Variants in CHRM3 observed in about 807,000 individuals in gnomAD.
CHRM3 encodes the protein cholinergic receptor muscarinic 3.
Under a neutral mutation model 41.8 loss-of-function variants are expected in CHRM3, and 11 were observed. That is an observed-to-expected ratio of 0.26 (90% CI 0.17 to 0.44). The LOEUF (loss-of-function observed/expected upper bound fraction) is 0.44, where lower values mean the gene tolerates loss of function less well. Ranked by LOEUF, CHRM3 falls within the 20% of genes least tolerant of loss-of-function variation. CHRM3 has a pLI of 1.00. For synonymous variants in CHRM3, 297 were observed against 301.4 expected (o/e 0.99, Z 0.15); for missense variants, 571 against 745.4 (o/e 0.77, Z 2.72).
intron 5 of CHRM3, among the ~76,000 whole-genome samples, chr1:239,755,527 T>G (rs567975141): frequency 6.6e-6 from 1 of 152,342 alleles, no homozygotes; most frequent in South Asian, 2.1e-4. Flanking sequence ...CAGCCAGAGA[T>G]TTATTTAGTT....
chr1:239,541,608 C>A (rs1324925189), intron 2 of CHRM3, among the ~76,000 whole-genome samples: 1 of 152,036 alleles, frequency 6.6e-6, no homozygotes, highest in Non-Finnish European at 1.5e-5. Context: ...ACCTCCCAGG[C>A]TCAGGTGATC....
At chr1:239,740,417 C>G (rs1270289270) in intron 5 of CHRM3, among the ~76,000 whole-genome samples, 2 of 150,738 alleles carry the variant, frequency 1.3e-5, no homozygotes, top group African/African-American at 4.9e-5. Context: ...CTAGCTTGCT[C>G]TGAGGTACCA....
At chr1:239,849,111 G>A (rs924039388) in intron 6 of CHRM3, among the ~76,000 whole-genome samples, 1 of 152,178 alleles carries the variant, frequency 6.6e-6, no homozygotes, top group African/African-American at 2.4e-5. Flanking sequence ...ATAAAAAAGT[G>A]ATGATGGATA....
chr1:239,743,421 G>T (rs1665032525), intron 5 of CHRM3, among the ~76,000 whole-genome samples: 2 of 152,146 alleles, frequency 1.3e-5, no homozygotes, highest in African/African-American at 4.8e-5. Context: ...GATACAGGTG[G>T]CTCAGTGTTA....
chr1:239,526,493 T>C (rs1427162432), intron 2 of CHRM3, among the ~76,000 whole-genome samples: 2 of 152,168 alleles, frequency 1.3e-5, no homozygotes, highest in Admixed American at 1.3e-4. Flanking sequence ...TGAATACCAA[T>C]GCTGGCCTGG....
intron 1 of CHRM3, among the ~76,000 whole-genome samples, chr1:239,456,322 C>G (rs1480391981): frequency 2.6e-5 from 4 of 152,106 alleles, no homozygotes; most frequent in African/African-American, 9.7e-5. Context: ...TGCAGGTAAA[C>G]CGTTTTTTAT....
intron 3 of CHRM3, among the ~76,000 whole-genome samples, chr1:239,627,923 G>A (rs1669193326): frequency 1.3e-5 from 2 of 148,572 alleles, no homozygotes; most frequent in South Asian, 4.3e-4. Context: ...ATTCTCTCTG[G>A]CTGCCCTTAA....
chr1:239,400,564 A>G (rs1659882071), intron 1 of CHRM3, among the ~76,000 whole-genome samples: 1 of 152,072 alleles, frequency 6.6e-6, no homozygotes, highest in South Asian at 2.1e-4. Context: ...GTGTGTTCTT[A>G]TGGTGGTTTC....
chr1:239,398,305 G>C (rs1037463546), intron 1 of CHRM3, among the ~76,000 whole-genome samples: 6 of 152,054 alleles, frequency 3.9e-5, no homozygotes, highest in African/African-American at 1.4e-4. Context: ...GCATGATCTT[G>C]GCCCACTGCA....
At chr1:239,680,579 G>A (rs959368604) in intron 5 of CHRM3, among the ~76,000 whole-genome samples, 3 of 152,034 alleles carry the variant, frequency 2.0e-5, no homozygotes, top group Non-Finnish European at 4.4e-5. Flanking sequence ...GTGACACTAC[G>A]ATAAGATTAA....
intron 5 of CHRM3, among the ~76,000 whole-genome samples, chr1:239,709,440 A>G (rs2148196753): frequency 6.6e-6 from 1 of 152,236 alleles, no homozygotes; most frequent in African/African-American, 2.4e-5. Flanking sequence ...TAAAGCAGCC[A>G]ATGTTACCTT....
intron 3 of CHRM3, among the ~76,000 whole-genome samples, chr1:239,575,809 C>T (rs535376588): frequency 7.5e-4 from 113 of 151,430 alleles, no homozygotes; most frequent in African/African-American, 2.5e-3. Flanking sequence ...AAAAAAAACA[C>T]GTAAAACAAA....
chr1:239,446,247 C>A (rs936675060), intron 1 of CHRM3, among the ~76,000 whole-genome samples: 21 of 152,280 alleles, frequency 1.4e-4, no homozygotes, highest in African/African-American at 5.1e-4. Flanking sequence ...TGTGCACTTT[C>A]TAAACCTTCA....
At chr1:239,720,845 T>A (rs1662897919) in intron 5 of CHRM3, among the ~76,000 whole-genome samples, 3 of 151,908 alleles carry the variant, frequency 2.0e-5, no homozygotes, top group Non-Finnish European at 4.4e-5. Context: ...GATAGCCCCT[T>A]ATCTTTATTT....
rs1572694378 is a variant in CHRM3 at position 239,553,995 on chromosome 1, C to T, written c.-313+8246C>T. Among the ~76,000 whole-genome samples, 3 of 152,126 alleles carry T rather than the reference C, an allele frequency of 2.0e-5. No homozygotes were observed. In the East Asian group the frequency reaches 5.8e-4, roughly 30 times the overall value. On this transcript the variant is annotated intron_variant, in intron 3 of 6. Coordinates refer to ENST00000676153, the MANE Select transcript of CHRM3 (RefSeq NM_001375978.1). ...CCTCAGCCTTTCAGGTTTAAGTGAA[C>T]TCTCGTTCCTCAGCCCCTTAAAGAG...
intron 1 of CHRM3, among the ~76,000 whole-genome samples, chr1:239,467,596 G>A (rs1665824191): frequency 1.3e-5 from 2 of 152,138 alleles, no homozygotes; most frequent in South Asian, 2.1e-4. Flanking sequence ...CACCGTGCCC[G>A]GCCGCCTCGA....
At chr1:239,460,317 C>T (rs1665261826) in intron 1 of CHRM3, among the ~76,000 whole-genome samples, 1 of 151,846 alleles carries the variant, frequency 6.6e-6, no homozygotes, top group Non-Finnish European at 1.5e-5. Context: ...TTTTTTTTCC[C>T]CCATCATAAT....
intron 3 of CHRM3, among the ~76,000 whole-genome samples, chr1:239,630,813 C>A (rs1669731573): frequency 6.6e-6 from 1 of 152,036 alleles, no homozygotes; most frequent in Non-Finnish European, 1.5e-5. Context: ...AGTTTCCCAG[C>A]CCAGGGTATA....
chr1:239,846,992 G>T (rs972052485), intron 6 of CHRM3, among the ~76,000 whole-genome samples: 1 of 152,088 alleles, frequency 6.6e-6, no homozygotes, highest in Non-Finnish European at 1.5e-5. Flanking sequence ...CACGTAAAAA[G>T]GTTTAGAAGC....
Sources: gnomAD v4.1 joint callset for allele counts (sites outside exome capture counted in the v4.1 genomes callset) on GRCh38, gnomAD v4.1.1 for gene constraint, MANE v1.5 for transcripts, NCBI Gene and HGNC (gene_info 2026-07-23, HGNC 2026-07-21) for gene names.